DHTKD1: variants seen among roughly 807,000 people sequenced by gnomAD.
DHTKD1 encodes dehydrogenase E1 and transketolase domain containing 1, also known as 2-oxoadipate dehydrogenase complex component E1.
In DHTKD1, 78 loss-of-function variants were observed where a neutral mutation model predicts 101.8. That is an observed-to-expected ratio of 0.77 (90% CI 0.64 to 0.93). The LOEUF (loss-of-function observed/expected upper bound fraction) is 0.93, where lower values mean the gene tolerates loss of function less well. Among genes scored for constraint, DHTKD1 ranks in the 40% least tolerant of loss-of-function variants. DHTKD1 has a pLI of 0.00. For synonymous variants in DHTKD1, 462 were observed against 450.3 expected, an observed-to-expected ratio of 1.03 and a Z score of -0.33; for missense variants, 1,223 against 1,161.7, an observed-to-expected ratio of 1.05 and a Z score of -0.77.
intron 12 of DHTKD1, among the ~76,000 whole-genome samples, 195 bp downstream of exon 12, chr10:12,108,210 A>C (rs190769010): frequency 1.1e-3 from 162 of 152,312 alleles, no homozygotes; most frequent in Admixed American, 4.2e-3. Flanking sequence ...TATGGCAATT[A>C]AAGTTCTCTT....
intron 13 of DHTKD1, among the ~76,000 whole-genome samples, chr10:12,114,426 A>G (rs930226874): frequency 6.6e-6 from 1 of 151,514 alleles, no homozygotes; most frequent in African/African-American, 2.4e-5. Flanking sequence ...CCTCCTGAGT[A>G]GCTGGGATTA....
chr10:12,095,812 C>CAAAAAAAAAAAAAAAAAAAAAAA (rs1185585860), intron 7 of DHTKD1, among the ~76,000 whole-genome samples: 4 of 41,492 alleles, frequency 9.6e-5, no homozygotes, highest in African/African-American at 1.5e-4. Flanking sequence ...GACTCCGTCT[C>CAAAAAAAAAAAAAAAAAAAAAAA]AAAAAAAAAA....
intron 5 of DHTKD1, among the ~76,000 whole-genome samples, chr10:12,089,623 TTAAG>T (rs1025380476): frequency 2.6e-5 from 4 of 152,102 alleles, no homozygotes; most frequent in Non-Finnish European, 5.9e-5. Flanking sequence ...AAAAAAGACT[TTAAG>T]TGTGGTTTTA....
intron 6 of DHTKD1, among the ~76,000 whole-genome samples, chr10:12,092,007 C>T (rs1296729771): frequency 6.8e-6 from 1 of 146,310 alleles, no homozygotes; most frequent in South Asian, 2.1e-4. Context: ...GAGTCTTGCT[C>T]TGTTGCCCTT....
At position 12,087,564 on chromosome 10, in the gene DHTKD1, C is replaced by T; in HGVS notation, c.552C>T (p.Phe184=). The T allele has an allele frequency of 6.2e-7, 1 of 1,608,240 alleles. No homozygotes were observed. The highest frequency in any genetic ancestry group is 8.5e-7 in the Non-Finnish European group (1 of 1,177,516). ...QEFDHFLATK[F]STVKRYGGEG... ...TTGACCACTTTCTGGCCACCAAGTT[C>T]TCGACAGTGAAGCGATATGGAGGCG... The change falls in exon 4 of 17, where the codon TTC becomes TTT. Residue 184 remains phenylalanine, a synonymous_variant. Coordinates refer to ENST00000263035, the MANE Select transcript of DHTKD1 (RefSeq NM_018706.7). The surrounding 1 kb of genome is among the most constrained non-coding windows in gnomAD (Gnocchi z 5.2).
intron 15 of DHTKD1, among the ~76,000 whole-genome samples, chr10:12,119,526 G>C (rs1833486529): frequency 1.3e-5 from 2 of 148,222 alleles, no homozygotes; most frequent in South Asian, 4.2e-4. Flanking sequence ...TGACGCAGGA[G>C]AATGGCGTGA....
intron 15 of DHTKD1, among the ~76,000 whole-genome samples, chr10:12,119,520 G>A (rs1291753045): frequency 6.7e-6 from 1 of 149,842 alleles, no homozygotes; most frequent in South Asian, 2.1e-4. Context: ...GGAGGCTGAC[G>A]CAGGAGAATG....
At chr10:12,119,615 C>CAAAAAAAA (rs71382684) in intron 15 of DHTKD1, among the ~76,000 whole-genome samples, 1 of 89,376 alleles carries the variant, frequency 1.1e-5, no homozygotes, top group African/African-American at 4.3e-5. Flanking sequence ...GACTCCGTCT[C>CAAAAAAAA]AAAAAAAAAA....
chr10:12,082,616 CT>C (rs71382616), intron 2 of DHTKD1, among the ~76,000 whole-genome samples: 19 of 144,916 alleles, frequency 1.3e-4, no homozygotes, highest in South Asian at 4.3e-4. Flanking sequence ...TCTCTTTTTT[CT>C]TTTTTTTTTT....
At chr10:12,076,142 G>T (rs546196866) in intron 1 of DHTKD1, among the ~76,000 whole-genome samples, 42 of 152,332 alleles carry the variant, frequency 2.8e-4, no homozygotes, top group Non-Finnish European at 5.9e-4. Context: ...AGCTTTTAGA[G>T]TGAGTGCATC....
chr10:12,092,833 A>G (rs1398378195), intron 6 of DHTKD1, among the ~76,000 whole-genome samples: 1 of 152,054 alleles, frequency 6.6e-6, no homozygotes, highest in Non-Finnish European at 1.5e-5. Context: ...TAAGATGTGA[A>G]GAATCAAAGT....
chr10:12,068,954 GACGAGTCCCGGATTT>G lies in DHTKD1; in HGVS notation c.-77_-63del, dbSNP rs1029565118. ...TGGGGGCGGGGCTCCGGCCGCCTCTGACGAGTCCCGGATTTACCAGGGCCGGTGGGATCCCCTCGG... is the reference window on the plus strand; with the variant it reads ...TGGGGGCGGGGCTCCGGCCGCCTCTGACCAGGGCCGGTGGGATCCCCTCGG... On this transcript the variant is annotated 5_prime_UTR_variant, in exon 1 of 17. Coordinates refer to ENST00000263035, the MANE Select transcript of DHTKD1 (RefSeq NM_018706.7). The G allele has an allele frequency of 3.9e-6, 6 of 1,548,996 alleles. No individual in the cohort carries two copies. The African/African-American group carries it at 8.3e-5, about 21-fold the overall frequency.
At position 12,091,556 on chromosome 10, in the gene DHTKD1, A is replaced by G. The variant is rs771758553; in HGVS notation, c.1031A>G (p.Glu344Gly). Reference sequence around the variant, plus strand: ...TTCTGTGGTCAAGGGATTGTTCCTGAAACATTCACGCTGTCCAATCTCCCA... The same window carrying G: ...TTCTGTGGTCAAGGGATTGTTCCTGGAACATTCACGCTGTCCAATCTCCCA... ...ASFCGQGIVP[E>G]TFTLSNLPHF... The change falls in exon 6 of 17, where the codon GAA (glutamate) becomes GGA (glycine). Residue 344 changes from glutamate (E) to glycine (G), a missense_variant. Transcript: ENST00000263035. 9.3e-6 allele frequency: 15 copies of G among 1,612,390 alleles called. No individual in the cohort carries two copies. Among genetic ancestry groups the G allele is most frequent in the Non-Finnish European group, 8.5e-7 (1 of 1,179,826 alleles).
chr10:12,111,058 A>AG (rs1265346736), intron 12 of DHTKD1, among the ~76,000 whole-genome samples: 1 of 151,748 alleles, frequency 6.6e-6, no homozygotes. Context: ...AAAAAAAAAA[A>AG]AAAAAAGGGA....
chr10:12,073,352 T>C (rs1375628709), intron 1 of DHTKD1, among the ~76,000 whole-genome samples: 1 of 151,874 alleles, frequency 6.6e-6, no homozygotes, highest in Admixed American at 6.6e-5. Flanking sequence ...ATTAGCTCTT[T>C]TACTTTTTTT....
rs1274921344 is a variant in DHTKD1 at position 12,110,467 on chromosome 10, CCT to C, written c.2155-2432_2155-2431del. 6.6e-6 allele frequency among the ~76,000 whole-genome samples: 1 copy of C among 152,004 alleles called. No homozygotes were observed. The highest frequency in any genetic ancestry group is 2.4e-5 in the African/African-American group (1 of 41,386). On this transcript the variant is annotated intron_variant, in intron 12 of 16. Coordinates refer to ENST00000263035, the MANE Select transcript of DHTKD1 (RefSeq NM_018706.7). The surrounding 1 kb of genome is among the most constrained non-coding windows in gnomAD (Gnocchi z 4.9). Reference sequence around the variant, plus strand: ...CAGGTAAGCCAAAAGATCGGACACCCCTGATTCCTGATTCTAGAGAAAGGAAA... The same window carrying C: ...CAGGTAAGCCAAAAGATCGGACACCCGATTCCTGATTCTAGAGAAAGGAAA...
At chr10:12,082,619 T>TC (rs1456739150) in intron 2 of DHTKD1, among the ~76,000 whole-genome samples, 1 of 151,246 alleles carries the variant, frequency 6.6e-6, no homozygotes, top group Non-Finnish European at 1.5e-5. Flanking sequence ...CTTTTTTCTT[T>TC]TTTTTTTTTG....
intron 12 of DHTKD1, 148 bp from the exon 13 acceptor site, chr10:12,112,752 C>A: frequency 1.4e-6 from 1 of 733,818 alleles, no homozygotes; most frequent in Non-Finnish European, 2.1e-6. Flanking sequence ...TTCATAAATT[C>A]ACCTGCTGAT....
rs775567111 is a variant in DHTKD1 at position 12,120,884 on chromosome 10, C to G, written c.2756C>G (p.Ala919Gly). ...GAAGATATCCTCGCCAAGACCTTCG[C>G]TTGATGATGACTTTTGAAGAAACAC... ...QHEDILAKTFA is the reference protein window; with the variant it reads ...QHEDILAKTFG The change falls in exon 17 of 17, where the codon GCT becomes GGT. Residue 919 changes from alanine (A) to glycine (G), a missense_variant. Coordinates refer to ENST00000263035, the MANE Select transcript of DHTKD1 (RefSeq NM_018706.7). The G allele has an allele frequency of 6.2e-6, 10 of 1,613,226 alleles. No homozygotes were observed. The highest frequency in any genetic ancestry group is 8.5e-6 in the Non-Finnish European group (10 of 1,179,522).
Sources: gnomAD v4.1 joint callset for allele counts (sites outside exome capture counted in the v4.1 genomes callset) on GRCh38, gnomAD v4.1.1 for gene constraint, Gnocchi (gnomAD v3.1) non-coding constraint, MANE v1.5 for transcripts, NCBI Gene and HGNC (gene_info 2026-07-23, HGNC 2026-07-21) for gene names.